Variants in LEMD1 observed in about 807,000 individuals in gnomAD.
LEMD1 encodes LEM domain-containing protein 1.
LEMD1 carries 18 observed loss-of-function variants against 17.4 expected under a neutral mutation model. The observed-to-expected ratio is 1.04, with a 90% CI of 0.72 to 1.54. LEMD1 has a LOEUF of 1.54. Among genes scored for constraint, LEMD1 ranks in the 40% most tolerant of loss-of-function variants. The probability of loss-of-function intolerance (pLI) is 0.00; values close to 1 mark genes in which losing one functional copy is unlikely to be tolerated. For synonymous variants in LEMD1, 88 were observed against 77.8 expected (o/e 1.13, Z -0.69); for missense variants, 195 against 210.4 (o/e 0.93, Z 0.45).
chr1:205,420,568 T>C lies in LEMD1; in HGVS notation c.-32A>G, dbSNP rs751510846. On this transcript the variant is annotated 5_prime_UTR_variant, in exon 2 of 6. Transcript: ENST00000367153. ...AGAAGTTTGGCCTCTTTTCTGATGG[T>C]AGAATCCTTGAAATAACAAAACATT... is the stretch of plus-strand genomic sequence containing the variant. The C allele has an allele frequency of 4.0e-6, 6 of 1,504,714 alleles. No individual in the cohort carries two copies. In the Admixed American group the frequency reaches 5.0e-5, roughly 13 times the overall value. 93.2% of individuals were successfully genotyped at this position (1,504,714 alleles called of 1,614,324 possible).
At chr1:205,398,231 T>C (rs1159926365) in intron 4 of LEMD1, among the ~76,000 whole-genome samples, 1 of 152,240 alleles carries the variant, frequency 6.6e-6, no homozygotes, top group Non-Finnish European at 1.5e-5. Flanking sequence ...AATATACAAC[T>C]ACTACTGGGA....
In LEMD1 at chr1:205,384,301, A is replaced by T; in HGVS notation, c.334T>A (p.Ser112Thr). Reference protein sequence around the residue: ...VDTYCLDYKPSKGRRWAARAP... With the variant: ...VDTYCLDYKPTKGRRWAARAP... Reference sequence around the variant, plus strand: ...AAACATCATTACCTTCTTCCCTTGGAAGGCTTATAATCCAAGCAATAGGTA... The same window carrying T: ...AAACATCATTACCTTCTTCCCTTGGTAGGCTTATAATCCAAGCAATAGGTA... Residue 112 changes from serine (S) to threonine (T), a missense_variant, in exon 5 of 6, where the codon TCC (serine) becomes ACC (threonine). Ser to Thr is a moderately conservative substitution (Grantham distance 58). Transcript: ENST00000367153. 6.6e-7 allele frequency: 1 copy of T among 1,506,986 alleles called. No homozygotes were observed. Among genetic ancestry groups the T allele is most frequent in the Non-Finnish European group, 8.9e-7 (1 of 1,126,936 alleles). The allele number at this position is 1,506,986 out of a possible 1,614,324, so 93.4% of individuals were successfully genotyped here. A position where few individuals can be genotyped will look rare whatever the true frequency, so the allele number is the denominator to read the frequency against.
At chr1:205,386,019 G>A (rs1663993685) in intron 4 of LEMD1, 2 of 152,918 alleles carry the variant, frequency 1.3e-5, no homozygotes, top group South Asian at 4.1e-4. Context: ...TGGAGTGTCT[G>A]GAGGGTCCGA....
At chr1:205,446,044 G>T (rs1054444532) in intron 1 of LEMD1, among the ~76,000 whole-genome samples, 3 of 152,198 alleles carry the variant, frequency 2.0e-5, no homozygotes, top group Non-Finnish European at 4.4e-5. Flanking sequence ...CTGTAAAAAA[G>T]ACTTAGATTG....
chr1:205,411,076 A>G (rs1248589179), intron 4 of LEMD1, among the ~76,000 whole-genome samples: 1 of 86,072 alleles, frequency 1.2e-5, no homozygotes, highest in Admixed American at 1.3e-4. Context: ...GAAAGAAAGA[A>G]ATGAAGGAAA....
In LEMD1 at chr1:205,441,397, T is replaced by C. The variant is rs943634279; in HGVS notation, c.-39+8471A>G. 5.3e-5 allele frequency among the ~76,000 whole-genome samples: 8 copies of C among 151,988 alleles called. No homozygotes were observed. The highest frequency in any genetic ancestry group is 1.7e-4 in the African/African-American group (7 of 41,396). On this transcript the variant is annotated intron_variant, in intron 1 of 3. Coordinates refer to the LEMD1 transcript ENST00000367154. The surrounding 1 kb of genome is among the most constrained non-coding windows in gnomAD (Gnocchi z 4.3). ...CCACCTCATCACCATATACCTGTGG[T>C]TGGGGAACAGGAAGCAAGCTGGCTT... is the stretch of plus-strand genomic sequence containing the variant.
In LEMD1 at chr1:205,443,603, T is replaced by G. The variant is rs144605822; in HGVS notation, c.-39+6265A>C. 5.6e-4 allele frequency among the ~76,000 whole-genome samples: 85 copies of G among 152,278 alleles called. 1 individual carries two copies. The highest frequency in any genetic ancestry group is 2.0e-3 in the African/African-American group (82 of 41,554). ...TCAGTGGGATTCCTGGGTCCTTGTATCTAAGAGTAGAAAGTATCATAAACA... is the reference window on the plus strand; with the variant it reads ...TCAGTGGGATTCCTGGGTCCTTGTAGCTAAGAGTAGAAAGTATCATAAACA... On this transcript the variant is annotated intron_variant, in intron 1 of 3. Coordinates refer to the LEMD1 transcript ENST00000367154.
At chr1:205,417,863 C>T (rs1297352485) in intron 3 of LEMD1, among the ~76,000 whole-genome samples, 2 of 150,980 alleles carry the variant, frequency 1.3e-5, no homozygotes, top group African/African-American at 2.4e-5. Flanking sequence ...TGTGGTCACA[C>T]GCTCACAATA....
At chr1:205,444,344 T>C (rs974190300) in intron 1 of LEMD1, among the ~76,000 whole-genome samples, 2 of 152,070 alleles carry the variant, frequency 1.3e-5, no homozygotes, top group South Asian at 2.1e-4. Flanking sequence ...AGGTCCAAGA[T>C]GGTTTACGGT....
chr1:205,430,905 T>C (rs1373541293), intron 1 of LEMD1, among the ~76,000 whole-genome samples: 1 of 152,218 alleles, frequency 6.6e-6, no homozygotes, highest in African/African-American at 2.4e-5. Context: ...GAGTGACGCG[T>C]GGGGCTGTTT....
chr1:205,394,367 T>TTAATTAA (rs1558713272), intron 4 of LEMD1, among the ~76,000 whole-genome samples: 23 of 149,632 alleles, frequency 1.5e-4, no homozygotes, highest in African/African-American at 5.7e-4. Context: ...TATTTGTTTA[T>TTAATTAA]TTAATTAATT....
In LEMD1 at chr1:205,384,348, G is replaced by A; in HGVS notation, c.287C>T (p.Thr96Ile). The A allele has an allele frequency of 6.6e-7, 1 of 1,519,950 alleles. No homozygotes were observed. The highest frequency in any genetic ancestry group is 1.3e-5 in the South Asian group (1 of 78,384). The allele number at this position is 1,519,950 out of a possible 1,614,324, so 94.2% of individuals were successfully genotyped here. A position where few individuals can be genotyped will look rare whatever the true frequency, so the allele number is the denominator to read the frequency against. The change falls in exon 5 of 6, where the codon ACC (threonine) becomes ATC (isoleucine). Residue 96 changes from threonine (T) to isoleucine (I), a missense_variant. Physicochemically the swap from Thr to Ile is moderately conservative, Grantham distance 89. Transcript: ENST00000367153. ...GGTATCTACAGCTTTGCGTTTAGTG[G>A]TGGAAGCCTCAGGCCACTGATAAAC... ...KKLKKWPEAS[T>I]TKRKAVDTYC...
In LEMD1 at chr1:205,384,272, T is replaced by TA; in HGVS notation, c.347+15dup. ...CAATAATATCAATTTCCACATATGCTAAAAAACATCATTACCTTCTTCCCT... is the reference window on the plus strand; with the variant it reads ...CAATAATATCAATTTCCACATATGCTAAAAAAACATCATTACCTTCTTCCCT... On this transcript the variant is annotated intron_variant, in intron 5 of 5. Coordinates refer to ENST00000367153, the MANE Select transcript of LEMD1 (RefSeq NM_001199050.2). 7.0e-7 allele frequency: 1 copy of TA among 1,437,236 alleles called. No homozygotes were observed. The highest frequency in any genetic ancestry group is 9.3e-7 in the Non-Finnish European group (1 of 1,080,010). The allele number at this position is 1,437,236 out of a possible 1,614,324, so 89.0% of individuals were successfully genotyped here. A position where few individuals can be genotyped will look rare whatever the true frequency, so the allele number is the denominator to read the frequency against.
chr1:205,412,542 T>C (rs1488857945), intron 4 of LEMD1, among the ~76,000 whole-genome samples: 2 of 152,200 alleles, frequency 1.3e-5, no homozygotes, highest in Non-Finnish European at 2.9e-5. Flanking sequence ...ACTACCTATC[T>C]AGGCACTCAG....
At chr1:205,437,169 T>C (rs537855061) in intron 1 of LEMD1, 1 of 152,390 alleles carries the variant, frequency 6.6e-6, no homozygotes, top group African/African-American at 2.4e-5. Context: ...AGGCAAGGAA[T>C]GAGGTGGGGT....
rs1029837532 is a variant in LEMD1 at position 205,441,975 on chromosome 1, G to A, written c.-39+7893C>T. ...TCAGGAGCTCAGCTTCAGTCTGCAAGAGTATCCCTTTCTCCAAAGGCTCAT... is the reference window on the plus strand; with the variant it reads ...TCAGGAGCTCAGCTTCAGTCTGCAAAAGTATCCCTTTCTCCAAAGGCTCAT... On this transcript the variant is annotated intron_variant, in intron 1 of 3. Coordinates refer to the LEMD1 transcript ENST00000367154. This position sits in a 1 kb window ranked among gnomAD's most constrained non-coding sequence, Gnocchi z 4.3. 6.6e-6 allele frequency among the ~76,000 whole-genome samples: 1 copy of A among 152,162 alleles called. No homozygotes were observed. The highest frequency in any genetic ancestry group is 1.5e-5 in the Non-Finnish European group (1 of 68,038).
chr1:205,390,366 A>C (rs529463362), intron 4 of LEMD1, among the ~76,000 whole-genome samples: 1 of 152,184 alleles, frequency 6.6e-6, no homozygotes, highest in East Asian at 1.9e-4. Flanking sequence ...AAAAAAAAAA[A>C]AAACAACAAA....
At chr1:205,382,057 A>T in intron 5 of LEMD1, 1 of 586,482 alleles carries the variant, frequency 1.7e-6, no homozygotes, top group Non-Finnish European at 3.0e-6. Flanking sequence ...GCTGGAGTGC[A>T]GTGGTACAAT....
chr1:205,414,892 A>G lies in LEMD1; in HGVS notation c.270+1340T>C, dbSNP rs771467142. Reference sequence around the variant, plus strand: ...AACAGAATGAGACCCTGTCTCTAAAATAAATAAATAAGTAATGTGGGTGCA... The same window carrying G: ...AACAGAATGAGACCCTGTCTCTAAAGTAAATAAATAAGTAATGTGGGTGCA... On this transcript the variant is annotated intron_variant, in intron 4 of 5. Transcript: ENST00000367153. 3.4e-4 allele frequency among the ~76,000 whole-genome samples: 52 copies of G among 152,168 alleles called. 1 individual carries two copies. The highest frequency in any genetic ancestry group is 2.8e-3 in the Admixed American group (43 of 15,274).
Sources: gnomAD v4.1 joint callset for allele counts (sites outside exome capture counted in the v4.1 genomes callset) on GRCh38, gnomAD v4.1.1 for gene constraint, Gnocchi (gnomAD v3.1) non-coding constraint, MANE v1.5 for transcripts, NCBI Gene and HGNC (gene_info 2026-07-23, HGNC 2026-07-21) for gene names.